SHISA9: variants seen among roughly 807,000 people sequenced by gnomAD.
The protein encoded by SHISA9 is protein shisa-9.
SHISA9 carries 13 observed loss-of-function variants against 38.0 expected under a neutral mutation model. The observed-to-expected ratio is 0.34, with a 90% CI of 0.22 to 0.54. The LOEUF is 0.54. Ranked by LOEUF, SHISA9 falls within the 20% of genes least tolerant of loss-of-function variation. The pLI is 0.91. For synonymous variants in SHISA9, 275 were observed against 242.0 expected (o/e 1.14, Z -1.27); for missense variants, 538 against 575.8 (o/e 0.93, Z 0.67).
At chr16:13,050,430 C>T (rs1423345780) in intron 2 of SHISA9, among the ~76,000 whole-genome samples, 1 of 152,154 alleles carries the variant, frequency 6.6e-6, no homozygotes, top group African/African-American at 2.4e-5. Context: ...CTCCCAGGCT[C>T]AAGCCATCCC....
chr16:13,276,271 T>TATATATATATATAG, the SHISA9 span, among the ~76,000 whole-genome samples: 34 of 151,650 alleles, frequency 2.2e-4, no homozygotes, highest in African/African-American at 7.3e-4. Flanking sequence ...TGCATAGTAT[T>TATATATATATATAG]CCATCATATA....
chr16:12,995,714 A>T (rs142023051), intron 2 of SHISA9, among the ~76,000 whole-genome samples: 5 of 152,250 alleles, frequency 3.3e-5, no homozygotes, highest in Admixed American at 3.3e-4. Context: ...AGATCAAAAC[A>T]TGTTTGCATT....
At chr16:13,187,675 G>C (rs917736828) in intron 2 of SHISA9, among the ~76,000 whole-genome samples, 10 of 152,056 alleles carry the variant, frequency 6.6e-5, no homozygotes, top group African/African-American at 2.4e-4. Context: ...GAGTAAGACT[G>C]ATGATAGTGA....
At chr16:13,004,203 A>G (rs1186983383) in intron 2 of SHISA9, among the ~76,000 whole-genome samples, 1 of 152,196 alleles carries the variant, frequency 6.6e-6, no homozygotes, top group Non-Finnish European at 1.5e-5. Flanking sequence ...TCTGACTTGT[A>G]ACAGATCTGG....
chr16:12,916,066 C>T (rs28650407), intron 1 of SHISA9, among the ~76,000 whole-genome samples: 4,161 of 133,648 alleles, frequency 0.031, 102 homozygotes, highest in African/African-American at 0.076. Context: ...GTCACTGTCA[C>T]AGGTTGAATT....
chr16:12,908,486 G>A (rs1230713105), intron 1 of SHISA9: 4 of 1,552,238 alleles, frequency 2.6e-6, no homozygotes, highest in Non-Finnish European at 2.6e-6. Context: ...TAGGCTCTAT[G>A]ACAATCTGCT....
the SHISA9 span, among the ~76,000 whole-genome samples, chr16:13,438,203 A>G: frequency 2.6e-5 from 4 of 152,310 alleles, no homozygotes; most frequent in African/African-American, 9.6e-5. Flanking sequence ...CTGTGAGAAT[A>G]TCTGCAAGGC....
chr16:13,322,488 A>G, the SHISA9 span, among the ~76,000 whole-genome samples: 9 of 152,296 alleles, frequency 5.9e-5, no homozygotes, highest in South Asian at 1.9e-3. Context: ...CTGTAGGTGG[A>G]TAAGTGGGGA....
the SHISA9 span, among the ~76,000 whole-genome samples, chr16:13,250,014 G>T: frequency 3.9e-5 from 6 of 152,134 alleles, no homozygotes. Flanking sequence ...GACTGCAGGT[G>T]TGTGCCACCA....
the SHISA9 span, among the ~76,000 whole-genome samples, chr16:13,343,686 G>T: frequency 6.6e-6 from 1 of 152,136 alleles, no homozygotes; most frequent in Non-Finnish European, 1.5e-5. Context: ...TTTCAGAATT[G>T]TAGTTCATTA....
chr16:13,498,102 T>C, the SHISA9 span, among the ~76,000 whole-genome samples: 3 of 152,062 alleles, frequency 2.0e-5, no homozygotes, highest in Non-Finnish European at 4.4e-5. Flanking sequence ...GTTTAATGTA[T>C]TTAGCATATG....
the SHISA9 span, among the ~76,000 whole-genome samples, chr16:13,499,889 T>C: frequency 6.6e-6 from 1 of 152,162 alleles, no homozygotes; most frequent in Non-Finnish European, 1.5e-5. Context: ...GAACAATGGT[T>C]GAGCAGGAAC....
the SHISA9 span, among the ~76,000 whole-genome samples, chr16:13,292,194 A>C: frequency 6.6e-6 from 1 of 151,952 alleles, no homozygotes; most frequent in Non-Finnish European, 1.5e-5. Context: ...CTTGTTTCTA[A>C]GAGCGTCTTT....
the SHISA9 span, among the ~76,000 whole-genome samples, chr16:13,290,814 C>A: frequency 6.6e-6 from 1 of 152,142 alleles, no homozygotes; most frequent in African/African-American, 2.4e-5. Context: ...CTTCTCCAAC[C>A]TGCTCATCAC....
At chr16:13,562,920 G>C in the SHISA9 span, 2 of 151,794 alleles carry the variant, frequency 1.3e-5, no homozygotes, top group African/African-American at 4.8e-5. Flanking sequence ...AAAAAAAAAA[G>C]CTGTAAACCA....
chr16:13,193,482 G>A (rs1453682589), intron 2 of SHISA9, among the ~76,000 whole-genome samples: 1 of 152,076 alleles, frequency 6.6e-6, no homozygotes, highest in African/African-American at 2.4e-5. Flanking sequence ...CTCCCGAGTA[G>A]CTGGTATTAC....
chr16:12,926,494 G>C (rs142694680), intron 2 of SHISA9, among the ~76,000 whole-genome samples: 6 of 152,302 alleles, frequency 3.9e-5, no homozygotes, highest in Non-Finnish European at 8.8e-5. Flanking sequence ...CAATGTGCCA[G>C]GAATTGGAGG....
chr16:13,107,247 C>A (rs1288660914), intron 2 of SHISA9, among the ~76,000 whole-genome samples: 1 of 151,962 alleles, frequency 6.6e-6, no homozygotes, highest in Non-Finnish European at 1.5e-5. Flanking sequence ...GCCTGGCCAA[C>A]ATGGTGAAAT....
the SHISA9 span, among the ~76,000 whole-genome samples, chr16:13,320,288 G>A: frequency 3.1e-5 from 1 of 31,806 alleles, no homozygotes; most frequent in African/African-American, 1.1e-4. Context: ...GCGAGACTCT[G>A]TCTCAAAAAA....
Sources: gnomAD v4.1 joint callset for allele counts (sites outside exome capture counted in the v4.1 genomes callset) on GRCh38, gnomAD v4.1.1 for gene constraint, MANE v1.5 for transcripts, NCBI Gene and HGNC (gene_info 2026-07-23, HGNC 2026-07-21) for gene names.